ITSN1: variants seen among roughly 807,000 people sequenced by gnomAD.
The protein encoded by ITSN1 is intersectin-1.
In ITSN1, 58 loss-of-function variants were observed where a neutral mutation model predicts 239.8. The observed-to-expected ratio is 0.24, with a 90% confidence interval of 0.20 to 0.30. The LOEUF (loss-of-function observed/expected upper bound fraction) is 0.30, where lower values mean the gene tolerates loss of function less well. Among genes scored for constraint, ITSN1 ranks in the 10% least tolerant of loss-of-function variants. ITSN1 has a pLI of 1.00. For missense variants in ITSN1, 1,558 were observed against 2,103.3 expected, an observed-to-expected ratio of 0.74 and a Z score of 5.07; for synonymous variants, 780 against 770.8, an observed-to-expected ratio of 1.01 and a Z score of -0.20.
chr21:33,720,654 C>T (rs1460376524), intron 2 of ITSN1, among the ~76,000 whole-genome samples: 1 of 151,846 alleles, frequency 6.6e-6, no homozygotes, highest in Non-Finnish European at 1.5e-5. Flanking sequence ...ATAAAATTTA[C>T]TAGCTTTAGT....
At chr21:33,875,225 T>G in intron 33 of ITSN1, 129 bp from the exon 34 acceptor site, 1 of 940,860 alleles carries the variant, frequency 1.1e-6, no homozygotes, top group Non-Finnish European at 1.7e-6. Flanking sequence ...AGAGCTGCGA[T>G]TGCTCAAGTG....
chr21:33,772,400 A>T (rs1207120539), intron 12 of ITSN1, 77 bp downstream of exon 12: 1 of 1,482,674 alleles, frequency 6.7e-7, no homozygotes, highest in Admixed American at 2.2e-5. Flanking sequence ...TGATCTATTC[A>T]CGCCATCTTT....
rs1242902737 is a variant in ITSN1, at chr21:33,819,281, C to T, written c.2974C>T (p.Arg992Ter). ...TTCAGAGAGTCCTGCTAGTCTAAAGCGAGTAGCCTCTCCAGCAGCCAAGCC... is the reference window on the plus strand; with the variant it reads ...TTCAGAGAGTCCTGCTAGTCTAAAGTGAGTAGCCTCTCCAGCAGCCAAGCC... ...GSSESPASLK[R>*]VASPAAKPVV... is the part of the protein sequence containing the mutation. The change falls in exon 24 of 40, where the codon CGA becomes TGA. Residue 992 changes from arginine to a stop codon, truncating the protein, a stop_gained. Coordinates refer to ENST00000381318, the MANE Select transcript of ITSN1 (RefSeq NM_003024.3). LOFTEE classifies it high-confidence loss of function. The T allele has an allele frequency of 2.5e-6, 4 of 1,613,932 alleles. No individual in the cohort carries two copies. The highest frequency in any genetic ancestry group is 1.7e-6 in the Non-Finnish European group (2 of 1,179,870).
intron 32 of ITSN1, among the ~76,000 whole-genome samples, chr21:33,866,173 G>A (rs1437033426): frequency 2.6e-5 from 4 of 152,324 alleles, no homozygotes; most frequent in East Asian, 1.9e-4. Flanking sequence ...AGGCACAAGC[G>A]CAGCCTCTTC....
chr21:33,785,710 G>A (rs938076354), intron 16 of ITSN1, among the ~76,000 whole-genome samples: 2 of 152,106 alleles, frequency 1.3e-5, no homozygotes, highest in African/African-American at 4.8e-5. Context: ...ACTTATAATC[G>A]TGATCTTCTG....
intron 1 of ITSN1, among the ~76,000 whole-genome samples, chr21:33,662,131 A>G (rs2089606633): frequency 2.0e-5 from 3 of 151,844 alleles, no homozygotes. Flanking sequence ...TCTGGATCTC[A>G]CCATAGAATG....
At chr21:33,860,590 G>T (rs1031773640) in intron 31 of ITSN1, among the ~76,000 whole-genome samples, 2 of 152,132 alleles carry the variant, frequency 1.3e-5, no homozygotes, top group African/African-American at 2.4e-5. Flanking sequence ...TCTTCCTCCT[G>T]TCGGCTCTGA....
chr21:33,822,141 C>CGGCGCTGACAGGTCAACACT (rs1218855316), intron 24 of ITSN1, among the ~76,000 whole-genome samples: 1 of 152,238 alleles, frequency 6.6e-6, no homozygotes, highest in Non-Finnish European at 1.5e-5. Context: ...CTGCTGGCCT[C>CGGCGCTGACAGGTCAACACT]GGCGCTGACA....
chr21:33,725,304 T>C (rs984223922), intron 4 of ITSN1, among the ~76,000 whole-genome samples: 9 of 151,666 alleles, frequency 5.9e-5, no homozygotes, highest in Non-Finnish European at 1.2e-4. Context: ...CCTGGCTGAT[T>C]TTGGTATTTT....
intron 29 of ITSN1, among the ~76,000 whole-genome samples, chr21:33,847,901 C>T (rs903121461): frequency 4.6e-5 from 7 of 152,164 alleles, no homozygotes; most frequent in Non-Finnish European, 8.8e-5. Context: ...GGAGCTTTGC[C>T]GATAACAGAT....
chr21:33,717,977 T>C (rs1394716152), intron 1 of ITSN1, among the ~76,000 whole-genome samples: 1 of 152,152 alleles, frequency 6.6e-6, no homozygotes, highest in Non-Finnish European at 1.5e-5. Context: ...TAGATTTGTG[T>C]TTGGTAGTCT....
At chr21:33,845,613 G>A (rs970302257) in intron 29 of ITSN1, among the ~76,000 whole-genome samples, 6 of 151,954 alleles carry the variant, frequency 3.9e-5, no homozygotes, top group African/African-American at 1.2e-4. Context: ...ATTTTAGCAC[G>A]GCTCAGTCGT....
Position 33,823,594 on chromosome 21 carries a change from A to G in ITSN1, c.3124A>G (p.Thr1042Ala). The G allele has an allele frequency of 1.2e-6, 2 of 1,614,232 alleles. No individual in the cohort carries two copies. Among genetic ancestry groups the G allele is most frequent in the Non-Finnish European group, 1.7e-6 (2 of 1,180,028 alleles). The change falls in exon 25 of 40, where the codon ACA (threonine) becomes GCA (alanine). Residue 1042 changes from threonine (T) to alanine (A), a missense_variant. By Grantham distance (58) the Thr-to-Ala change is moderately conservative. Transcript: ENST00000381318. The part of the protein sequence containing the change: ...TKKDGDWWTG[T>A]VGDKAGVFPS... ...GAAAGATGGTGACTGGTGGACAGGAACAGTGGGCGACAAGGCCGGAGTCTT... is the reference window on the plus strand; with the variant it reads ...GAAAGATGGTGACTGGTGGACAGGAGCAGTGGGCGACAAGGCCGGAGTCTT...
At position 33,888,242 on chromosome 21, in the gene ITSN1, A is replaced by G; in HGVS notation, c.5108A>G (p.Glu1703Gly). 6.2e-7 allele frequency: 1 copy of G among 1,614,114 alleles called. No homozygotes were observed. The highest frequency in any genetic ancestry group is 8.5e-7 in the Non-Finnish European group (1 of 1,180,026). The change falls in exon 40 of 40, where the codon GAA becomes GGA. Residue 1703 changes from glutamate (E) to glycine (G), a missense_variant. Transcript: ENST00000381318. ...GPVTKCLLLH[E>G]VPTGEIVVRL... ...GTTACGAAGTGTCTTCTGCTGCACG[A>G]AGTCCCCACGGGAGAGATTGTGGTC... is the stretch of plus-strand genomic sequence containing the variant.
intron 33 of ITSN1, among the ~76,000 whole-genome samples, chr21:33,869,156 C>G (rs1289109306): frequency 1.3e-5 from 2 of 152,136 alleles, no homozygotes; most frequent in Non-Finnish European, 2.9e-5. Context: ...CTGTATTAGT[C>G]CATTCTCACA....
At chr21:33,665,832 C>T (rs925639373) in intron 1 of ITSN1, among the ~76,000 whole-genome samples, 6 of 151,764 alleles carry the variant, frequency 4.0e-5, no homozygotes, top group Non-Finnish European at 7.4e-5. Flanking sequence ...ACAGTATAAA[C>T]GTACCTTGAA....
At chr21:33,746,135 G>A (rs1238814838) in intron 5 of ITSN1, among the ~76,000 whole-genome samples, 1 of 152,128 alleles carries the variant, frequency 6.6e-6, no homozygotes, top group East Asian at 1.9e-4. Flanking sequence ...ACCCAACTGA[G>A]CAGAACCATC....
chr21:33,666,137 G>A (rs2089916398), intron 1 of ITSN1, among the ~76,000 whole-genome samples: 1 of 152,142 alleles, frequency 6.6e-6, no homozygotes, highest in South Asian at 2.1e-4. Context: ...CACCATGTTG[G>A]TCAGGCTGGT....
chr21:33,850,032 G>A (rs1469095130), intron 29 of ITSN1, among the ~76,000 whole-genome samples: 1 of 152,176 alleles, frequency 6.6e-6, no homozygotes, highest in African/African-American at 2.4e-5. Flanking sequence ...GTAAAGCTGT[G>A]CCAGGAATTC....
Sources: gnomAD v4.1 joint callset for allele counts (sites outside exome capture counted in the v4.1 genomes callset) on GRCh38, gnomAD v4.1.1 for gene constraint, MANE v1.5 for transcripts, NCBI Gene and HGNC (gene_info 2026-07-23, HGNC 2026-07-21) for gene names.